FBLN1: variants seen among roughly 807,000 people sequenced by gnomAD.
FBLN1 encodes the protein fibulin 1, also known as fibulin-1.
Under a neutral mutation model 89.7 loss-of-function variants are expected in FBLN1, and 34 were observed. That is an observed-to-expected ratio of 0.38 (90% CI 0.29 to 0.50). The LOEUF (loss-of-function observed/expected upper bound fraction) is 0.50, where lower values mean the gene tolerates loss of function less well. Among genes scored for constraint, FBLN1 ranks in the 20% least tolerant of loss-of-function variants. The probability of loss-of-function intolerance (pLI) is 0.92; values close to 1 mark genes in which losing one functional copy is unlikely to be tolerated. For missense variants in FBLN1, 777 were observed against 988.1 expected, an observed-to-expected ratio of 0.79 and a Z score of 2.86; for synonymous variants, 393 against 391.3, an observed-to-expected ratio of 1.00 and a Z score of -0.05.
chr22:45,589,084 T>G lies in FBLN1; in HGVS notation c.1973-11223T>G, dbSNP rs555373915. Among the ~76,000 whole-genome samples the G allele has an allele frequency of 1.5e-3, 166 of 114,420 alleles. 1 individual carries two copies. The highest frequency in any genetic ancestry group is 4.3e-3 in the African/African-American group (158 of 36,344). 75.1% of individuals were successfully genotyped at this position (114,420 alleles called of 152,430 possible). ...TGTATTTTTTATATATAAAAATATT[T>G]TTTATATATATAAAAAATATATAAA... On this transcript the variant is annotated intron_variant, in intron 16 of 16. Coordinates refer to ENST00000327858, the MANE Select transcript of FBLN1 (RefSeq NM_006486.3).
At chr22:45,565,134 C>A in intron 14 of FBLN1, 1 of 1,582,996 alleles carries the variant, frequency 6.3e-7, no homozygotes, top group South Asian at 1.1e-5. Context: ...CAGGTTTGCA[C>A]CAGCCTCGAG....
At chr22:45,567,030 G>T (rs2147018254) in intron 14 of FBLN1, among the ~76,000 whole-genome samples, 1 of 152,354 alleles carries the variant, frequency 6.6e-6, no homozygotes, top group African/African-American at 2.4e-5. Flanking sequence ...AGTGAGGACA[G>T]GGAGGCACAG....
At chr22:45,503,228 C>A in intron 1 of FBLN1, 164 bp downstream of exon 1, 1 of 364,242 alleles carries the variant, frequency 2.7e-6, no homozygotes, top group African/African-American at 2.2e-5. Flanking sequence ...CCCTCCCCCA[C>A]GGCCAGCTCC....
rs147373433 is a variant in FBLN1, at chr22:45,545,210, T to C, written c.1321+1684T>C. 6.6e-6 allele frequency among the ~76,000 whole-genome samples: 1 copy of C among 152,296 alleles called. No homozygotes were observed. The highest frequency in any genetic ancestry group is 1.9e-4 in the East Asian group (1 of 5,180). On this transcript the variant is annotated intron_variant, in intron 11 of 16. Coordinates refer to ENST00000327858, the MANE Select transcript of FBLN1 (RefSeq NM_006486.3). This position sits in a 1 kb window ranked among gnomAD's most constrained non-coding sequence, Gnocchi z 5.9. ...TGGACAAGGAACAAGATTCACGAGT[T>C]GAGTCTCTCAGGCTTGTGTTCAAAC...
intron 1 of FBLN1, among the ~76,000 whole-genome samples, chr22:45,512,724 C>T (rs944419727): frequency 2.8e-4 from 43 of 152,250 alleles, no homozygotes; most frequent in African/African-American, 6.7e-4. Context: ...ACAGGACACA[C>T]GGGGGAGCTG....
intron 14 of FBLN1, among the ~76,000 whole-genome samples, chr22:45,566,342 T>C (rs907748376): frequency 2.0e-5 from 3 of 152,154 alleles, no homozygotes; most frequent in African/African-American, 7.2e-5. Context: ...AGGGGTCCCG[T>C]TGCATTTTGG....
chr22:45,505,488 C>A (rs73890000), intron 1 of FBLN1, among the ~76,000 whole-genome samples: 3,051 of 152,342 alleles, frequency 0.02, 108 homozygotes, highest in African/African-American at 0.068. Context: ...ACGCCCCGCT[C>A]CTGGCCCTGC....
At chr22:45,517,390 C>T in intron 1 of FBLN1, 1 of 356,130 alleles carries the variant, frequency 2.8e-6, no homozygotes, top group Admixed American at 3.8e-5. Context: ...GGCCGCTCCT[C>T]CCTTGGGGCA....
In FBLN1 at chr22:45,578,282, TG is replaced by T. The variant is rs1380496999; in HGVS notation, c.1972+1175del. 6.6e-6 allele frequency: 1 copy of T among 152,230 alleles called. No homozygotes were observed. Among genetic ancestry groups the T allele is most frequent in the Non-Finnish European group, 1.5e-5 (1 of 68,030 alleles). The allele number at this position is 152,230 out of a possible 1,614,324, so 9.4% of individuals were successfully genotyped here. Reference sequence around the variant, plus strand: ...AGAAAGGGAATCGTTATTCCCGTCTTGCCAAAGAGCCATTTATAGCACCTTT... The same window carrying T: ...AGAAAGGGAATCGTTATTCCCGTCTTCCAAAGAGCCATTTATAGCACCTTT... On this transcript the variant is annotated intron_variant, in intron 16 of 16. Coordinates refer to ENST00000327858, the MANE Select transcript of FBLN1 (RefSeq NM_006486.3). The surrounding 1 kb of genome is among the most constrained non-coding windows in gnomAD (Gnocchi z 4.6).
chr22:45,534,339 C>CAACT (rs2088455756), intron 7 of FBLN1, among the ~76,000 whole-genome samples: 1 of 133,214 alleles, frequency 7.5e-6, no homozygotes, highest in African/African-American at 2.7e-5. Context: ...AAAAATCCCA[C>CAACT]AACTGTTTTT....
At position 45,583,637 on chromosome 22, in the gene FBLN1, A is replaced by G. The variant is rs937646098; in HGVS notation, c.1972+6529A>G. Among the ~76,000 whole-genome samples the G allele has an allele frequency of 6.6e-6, 1 of 152,166 alleles. No homozygotes were observed. The highest frequency in any genetic ancestry group is 2.4e-5 in the African/African-American group (1 of 41,442). On this transcript the variant is annotated intron_variant, in intron 16 of 16. Transcript: ENST00000327858. This position sits in a 1 kb window ranked among gnomAD's most constrained non-coding sequence, Gnocchi z 4.5. ...ACCTTCTAGGCCTGATCAGGAAGGAAGCTGGGTTTTGGTGTGCCAGTCAGG... is the reference window on the plus strand; with the variant it reads ...ACCTTCTAGGCCTGATCAGGAAGGAGGCTGGGTTTTGGTGTGCCAGTCAGG...
At position 45,541,269 on chromosome 22, in the gene FBLN1, C is replaced by T. The variant is rs9682; in HGVS notation, c.963C>T (p.Ile321=). ...TGAGTATCAGTGCCCCGTGCCCTATCGGGCATACATGCATCAACACAGAGG... is the reference window on the plus strand; with the variant it reads ...TGAGTATCAGTGCCCCGTGCCCTATTGGGCATACATGCATCAACACAGAGG... The part of the protein sequence containing the change: ...ECLSISAPCP[I]GHTCINTEGS... Residue 321 remains isoleucine (I), a synonymous_variant, in exon 9 of 17, where the codon ATC becomes ATT. Coordinates refer to ENST00000327858, the MANE Select transcript of FBLN1 (RefSeq NM_006486.3). The T allele has an allele frequency of 0.39, 627,142 of 1,613,910 alleles. 126,079 individuals carry two copies. The highest frequency in any genetic ancestry group is 0.47 in the Middle Eastern group (2,857 of 6,054).
At chr22:45,534,992 A>G (rs1342115965) in intron 7 of FBLN1, among the ~76,000 whole-genome samples, 4 of 152,166 alleles carry the variant, frequency 2.6e-5, no homozygotes, top group African/African-American at 9.7e-5. Context: ...GAGCCTTGGG[A>G]AAAAAAGTCA....
At chr22:45,598,236 C>G (rs1431515424) in intron 16 of FBLN1, among the ~76,000 whole-genome samples, 1 of 152,244 alleles carries the variant, frequency 6.6e-6, no homozygotes, top group Non-Finnish European at 1.5e-5. Flanking sequence ...CTGCTCACAC[C>G]AGCTCTGGAG....
Position 45,557,957 on chromosome 22 carries a change from C to G in FBLN1, c.1697+7342C>G, listed in dbSNP as rs2088809420. ...AAGATTTCCCTTTGCCACTGTCCTT[C>G]AGGGATGTCCTAGAAAGGGGCAGTA... is the stretch of plus-strand genomic sequence containing the variant. On this transcript the variant is annotated intron_variant, in intron 14 of 16. Coordinates refer to ENST00000327858, the MANE Select transcript of FBLN1 (RefSeq NM_006486.3). This position sits in a 1 kb window ranked among gnomAD's most constrained non-coding sequence, Gnocchi z 4.9. 1.5e-6 allele frequency: 1 copy of G among 681,900 alleles called. No homozygotes were observed. The highest frequency in any genetic ancestry group is 2.7e-6 in the Non-Finnish European group (1 of 363,760). 42.2% of individuals were successfully genotyped at this position (681,900 alleles called of 1,614,324 possible).
intron 14 of FBLN1, among the ~76,000 whole-genome samples, chr22:45,560,510 C>T (rs940318605): frequency 1.3e-5 from 2 of 152,188 alleles, no homozygotes; most frequent in Non-Finnish European, 2.9e-5. Context: ...AGCTTGCTCA[C>T]AGTGGGCCAT....
At chr22:45,525,072 AG>A (rs1398438583) in intron 2 of FBLN1, among the ~76,000 whole-genome samples, 4 of 151,476 alleles carry the variant, frequency 2.6e-5, no homozygotes, top group African/African-American at 9.7e-5. Context: ...TCCATCTCAA[AG>A]AAAGAAAGAA....
At chr22:45,570,180 C>G (rs2147022105) in intron 14 of FBLN1, among the ~76,000 whole-genome samples, 1 of 151,110 alleles carries the variant, frequency 6.6e-6, no homozygotes, top group Non-Finnish European at 1.5e-5. Context: ...ATTAGCCAGG[C>G]ATGGTGGCAG....
At chr22:45,508,639 G>T (rs773187240) in intron 1 of FBLN1, among the ~76,000 whole-genome samples, 1 of 152,176 alleles carries the variant, frequency 6.6e-6, no homozygotes, top group Non-Finnish European at 1.5e-5. Context: ...GAGTGTGATG[G>T]TGGGGTGTGT....
Sources: allele counts gnomAD v4.1 joint callset (sites outside exome capture counted in the v4.1 genomes callset), GRCh38; gene constraint gnomAD v4.1.1; non-coding constraint Gnocchi (gnomAD v3.1); transcripts MANE v1.5; gene names NCBI Gene and HGNC (gene_info 2026-07-23, HGNC 2026-07-21).